The following HMGB4 variants were observed in gnomAD, a reference collection of about 807,000 sequenced individuals.
HMGB4 encodes the protein high mobility group box 4.
For missense variants in HMGB4, 217 were observed against 220.4 expected (o/e 0.98, Z 0.10); for synonymous variants, 82 against 84.9 (o/e 0.97, Z 0.19).
rs747231486 is a variant in HMGB4, at chr1:33,864,763, T to C, written c.*11T>C. On this transcript the variant is annotated 3_prime_UTR_variant, in exon 1 of 1. Transcript: ENST00000681531. ...GTCAGGCAGAGCTGATGGATCCAGT[T>C]TGAAAAAACAAAATGCCATTCAACC... is the stretch of plus-strand genomic sequence containing the variant. 1.9e-6 allele frequency: 3 copies of C among 1,586,654 alleles called. No homozygotes were observed. The highest frequency in any genetic ancestry group is 2.2e-5 in the East Asian group (1 of 44,546).
upstream of HMGB4, chr1:33,862,351 G>C (rs1163979638): frequency 8.5e-6 from 1 of 117,840 alleles, no homozygotes; most frequent in Non-Finnish European, 1.6e-5. Context: ...CTCTGTGTGT[G>C]TGTGTGTGTG....
upstream of HMGB4, chr1:33,861,100 C>A (rs573924084): frequency 6.6e-6 from 1 of 152,102 alleles, no homozygotes; most frequent in Non-Finnish European, 1.5e-5. Flanking sequence ...GAATGAGGTA[C>A]ATAAAGTGCT....
At chr1:33,860,631 C>T (rs1216237666), upstream of HMGB4, 2 of 152,174 alleles carry the variant, frequency 1.3e-5, no homozygotes, top group African/African-American at 4.8e-5. Context: ...ATCCTCATGG[C>T]TTTATTATCA....
Position 33,864,758 on chromosome 1 carries a change from C to A in HMGB4, c.*6C>A, listed in dbSNP as rs745980468. Reference sequence around the variant, plus strand: ...AAAGAGTCAGGCAGAGCTGATGGATCCAGTTTGAAAAAACAAAATGCCATT... The same window carrying A: ...AAAGAGTCAGGCAGAGCTGATGGATACAGTTTGAAAAAACAAAATGCCATT... On this transcript the variant is annotated 3_prime_UTR_variant, in exon 1 of 1. Coordinates refer to ENST00000681531, the MANE Select transcript of HMGB4 (RefSeq NM_001379301.1). 2 of 1,588,922 alleles carry A rather than the reference C, an allele frequency of 1.3e-6. No homozygotes were observed. The highest frequency in any genetic ancestry group is 1.2e-5 in the South Asian group (1 of 86,924).
chr1:33,861,675 G>A (rs1408687679), upstream of HMGB4, among the ~76,000 whole-genome samples: 2 of 152,140 alleles, frequency 1.3e-5, no homozygotes, highest in Non-Finnish European at 2.9e-5. Flanking sequence ...GGAAACAGAT[G>A]GCCACTCAAA....
chr1:33,864,559 T>C lies in HMGB4; in HGVS notation c.368T>C (p.Val123Ala), dbSNP rs1639826845. The C allele has an allele frequency of 6.2e-7, 1 of 1,614,008 alleles. No homozygotes were observed. Among genetic ancestry groups the C allele is most frequent in the Admixed American group, 1.7e-5 (1 of 60,022 alleles). The change falls in exon 1 of 1, where the codon GTG becomes GCG. Residue 123 changes from valine (V) to alanine (A), a missense_variant. Transcript: ENST00000681531. ...AACCCGAACTGGTCGGTGGTGCAGGTGGCCAAGGCCACAGGGAAGATGTGG... is the reference window on the plus strand; with the variant it reads ...AACCCGAACTGGTCGGTGGTGCAGGCGGCCAAGGCCACAGGGAAGATGTGG... ...RENPNWSVVQ[V>A]AKATGKMWST...
upstream of HMGB4, among the ~76,000 whole-genome samples, chr1:33,861,518 C>T (rs1031705680): frequency 1.3e-5 from 2 of 152,178 alleles, no homozygotes; most frequent in Non-Finnish European, 2.9e-5. Flanking sequence ...GTGGTCTGGT[C>T]ATGCTACTGT....
At chr1:33,861,586 G>A (rs1639512986), upstream of HMGB4, among the ~76,000 whole-genome samples, 1 of 152,194 alleles carries the variant, frequency 6.6e-6, no homozygotes, top group Admixed American at 6.5e-5. Context: ...ATCTCCAGAA[G>A]CTCATTACTC....
chr1:33,864,141 A>C lies in HMGB4; in HGVS notation c.-51A>C, dbSNP rs1639770254. 9 of 1,507,574 alleles carry C rather than the reference A, an allele frequency of 6.0e-6. No individual in the cohort carries two copies. In the African/African-American group the frequency reaches 1.3e-4, roughly 21 times the overall value. 93.4% of individuals were successfully genotyped at this position (1,507,574 alleles called of 1,614,324 possible). A position where few individuals can be genotyped will look rare whatever the true frequency, so the allele number is the denominator to read the frequency against. On this transcript the variant is annotated 5_prime_UTR_variant, in exon 1 of 1. Coordinates refer to ENST00000681531, the MANE Select transcript of HMGB4 (RefSeq NM_001379301.1). ...ATTGCTCCTGGAGTGTGGGAACAAC[A>C]GTCTCTCCTGTCCACGTTACTGAAT...
upstream of HMGB4, chr1:33,862,514 T>G (rs1026665663): frequency 1.3e-5 from 2 of 152,054 alleles, no homozygotes; most frequent in Non-Finnish European, 2.9e-5. Flanking sequence ...CCTGCTCATG[T>G]CCAAAAAATG....
upstream of HMGB4, chr1:33,863,718 T>C (rs1373115086): frequency 6.3e-6 from 1 of 157,596 alleles, no homozygotes; most frequent in Non-Finnish European, 1.4e-5. Flanking sequence ...AGCCTGTCTT[T>C]GGAAGGGATG....
chr1:33,861,314 A>C (rs757043832), upstream of HMGB4: 37 of 152,182 alleles, frequency 2.4e-4, no homozygotes, highest in Admixed American at 6.5e-4. Flanking sequence ...GTTTTATTGG[A>C]ACATAGCCAC....
chr1:33,864,734 A>T lies in HMGB4; in HGVS notation c.543A>T (p.Lys181Asn). ...RMSARNRCRG[K>N]RVRQS is the part of the protein sequence containing the mutation. ...CAGCTAGAAACCGGTGCAGAGGGAA[A>T]AGAGTCAGGCAGAGCTGATGGATCC... The change falls in exon 1 of 1, where the codon AAA becomes AAT. Residue 181 changes from lysine (K) to asparagine (N), a missense_variant. Lys to Asn is a moderately conservative substitution (Grantham distance 94). Coordinates refer to ENST00000681531, the MANE Select transcript of HMGB4 (RefSeq NM_001379301.1). The T allele has an allele frequency of 6.2e-7, 1 of 1,611,094 alleles. No individual in the cohort carries two copies. The highest frequency in any genetic ancestry group is 8.5e-7 in the Non-Finnish European group (1 of 1,178,866).
At chr1:33,862,383 G>GTGTGTGTGTGTGTGTGTGTT (rs1639597029), upstream of HMGB4, 2 of 151,996 alleles carry the variant, frequency 1.3e-5, no homozygotes, top group Non-Finnish European at 2.9e-5. Context: ...GTGTGTGTGT[G>GTGTGTGTGTGTGTGTGTGTT]TGTGTGTGTG....
chr1:33,862,885 G>A (rs2125119130), upstream of HMGB4: 1 of 152,338 alleles, frequency 6.6e-6, no homozygotes, highest in East Asian at 1.9e-4. Flanking sequence ...CTGAAGTCTT[G>A]GAACCCTGGG....
At chr1:33,864,042 A>G, upstream of HMGB4, 1 of 696,122 alleles carries the variant, frequency 1.4e-6, no homozygotes, top group Admixed American at 2.7e-5. Flanking sequence ...CAATGCCATC[A>G]GCACTGAAAA....
chr1:33,864,103 C>A lies in HMGB4; in HGVS notation c.-89C>A. On this transcript the variant is annotated 5_prime_UTR_variant, in exon 1 of 1. Transcript: ENST00000681531. ...CAGACAGAAAAATTCGCTGCAAGTA[C>A]AGCACTTTCTAGATTGCTCCTGGAG... is the stretch of plus-strand genomic sequence containing the variant. The A allele has an allele frequency of 7.7e-7, 1 of 1,301,026 alleles. No homozygotes were observed. The highest frequency in any genetic ancestry group is 1.1e-6 in the Non-Finnish European group (1 of 942,034). The allele number at this position is 1,301,026 out of a possible 1,614,324, so 80.6% of individuals were successfully genotyped here.
chr1:33,864,199 A>T lies in HMGB4; in HGVS notation c.8A>T (p.Lys3Ile), dbSNP rs774960296. MG[K>I]EIQLKPKANV... ...AAAGGTGAACTTACGAACATGGGAAAAGAAATCCAGCTAAAGCCTAAGGCA... is the reference window on the plus strand; with the variant it reads ...AAAGGTGAACTTACGAACATGGGAATAGAAATCCAGCTAAAGCCTAAGGCA... Residue 3 changes from lysine to isoleucine, a missense_variant, in exon 1 of 1, where the codon AAA becomes ATA. Coordinates refer to ENST00000681531, the MANE Select transcript of HMGB4 (RefSeq NM_001379301.1). 1 of 1,595,666 alleles carries T rather than the reference A, an allele frequency of 6.3e-7. No homozygotes were observed.
rs1471561378 is a variant in HMGB4, at chr1:33,864,516, G to A, written c.325G>A (p.Ala109Thr). ...CCTACTCTTCTGCCAAGACCACTAT[G>A]CTCAGCTGAAGAGGGAGAACCCGAA... ...SFLLFCQDHY[A>T]QLKRENPNWS... Residue 109 changes from alanine (A) to threonine (T), a missense_variant, in exon 1 of 1, where the codon GCT (alanine) becomes ACT (threonine). By Grantham distance (58) the Ala-to-Thr change is moderately conservative. Transcript: ENST00000681531. 11 of 1,613,982 alleles carry A rather than the reference G, an allele frequency of 6.8e-6. No homozygotes were observed. Among genetic ancestry groups the A allele is most frequent in the Non-Finnish European group, 9.3e-6 (11 of 1,180,018 alleles).
Sources: gnomAD v4.1 joint callset for allele counts (sites outside exome capture counted in the v4.1 genomes callset) on GRCh38, gnomAD v4.1.1 for gene constraint, MANE v1.5 for transcripts, NCBI Gene and HGNC (gene_info 2026-07-23, HGNC 2026-07-21) for gene names.